The following PDE4D variants were observed in gnomAD, a reference collection of about 807,000 sequenced individuals.
The protein encoded by PDE4D is 3',5'-cyclic-AMP phosphodiesterase 4D.
A neutral mutation model predicts 87.4 loss-of-function variants in PDE4D; 24 were observed. That is an observed-to-expected ratio of 0.27 (90% CI 0.20 to 0.39). The LOEUF is 0.39. PDE4D is among the 10% of genes least tolerant of loss of function. The probability of loss-of-function intolerance (pLI) is 1.00; values close to 1 mark genes in which losing one functional copy is unlikely to be tolerated. For synonymous variants in PDE4D, 384 were observed against 383.2 expected (o/e 1.00, Z -0.02); for missense variants, 714 against 1,041.0 (o/e 0.69, Z 4.32).
chr5:59,923,670 C>T (rs1194074851), intron 3 of PDE4D, among the ~76,000 whole-genome samples: 1 of 152,212 alleles, frequency 6.6e-6, no homozygotes, highest in African/African-American at 2.4e-5. Context: ...TCTTGGGGTG[C>T]CCCCTAATGC....
At chr5:59,470,606 A>G (rs1802293940) in intron 1 of PDE4D, among the ~76,000 whole-genome samples, 1 of 152,210 alleles carries the variant, frequency 6.6e-6, no homozygotes, top group Non-Finnish European at 1.5e-5. Flanking sequence ...AATTTCACTA[A>G]TACTGTTTAG....
chr5:59,812,649 G>A (rs569129982), intron 1 of PDE4D, among the ~76,000 whole-genome samples: 12 of 151,664 alleles, frequency 7.9e-5, no homozygotes, highest in African/African-American at 2.9e-4. Flanking sequence ...CTCCAGCCCA[G>A]GTGACAAAGT....
At chr5:59,706,042 T>C (rs905199970) in intron 1 of PDE4D, among the ~76,000 whole-genome samples, 1 of 152,202 alleles carries the variant, frequency 6.6e-6, no homozygotes, top group African/African-American at 2.4e-5. Context: ...ATCTCTAGAC[T>C]AGTACCTTGA....
intron 1 of PDE4D, among the ~76,000 whole-genome samples, chr5:59,651,645 T>G (rs1168323445): frequency 6.6e-6 from 1 of 152,128 alleles, no homozygotes; most frequent in African/African-American, 2.4e-5. Context: ...AATTGCTGAG[T>G]TTTATGAAAA....
chr5:60,339,034 C>T (rs1758068706), intron 1 of PDE4D, among the ~76,000 whole-genome samples: 1 of 152,144 alleles, frequency 6.6e-6, no homozygotes, highest in African/African-American at 2.4e-5. Flanking sequence ...TTTATCTTAG[C>T]TAAGCACTTA....
rs539243909 is a variant in PDE4D at position 60,064,905 on chromosome 5, C to A, written c.43-76188G>T. Among the ~76,000 whole-genome samples the A allele has an allele frequency of 6.6e-5, 10 of 152,224 alleles. No individual in the cohort carries two copies. The South Asian group carries it at 1.9e-3, about 28-fold the overall frequency. ...AGGGCATTTGGTGAGAACTGCTGTTCTATACACCTTATCCATCACCCTATT... is the reference window on the plus strand; with the variant it reads ...AGGGCATTTGGTGAGAACTGCTGTTATATACACCTTATCCATCACCCTATT... On this transcript the variant is annotated intron_variant, in intron 2 of 16. Transcript: ENST00000502484.
chr5:59,590,718 A>T (rs542096277), intron 1 of PDE4D, among the ~76,000 whole-genome samples: 70 of 152,006 alleles, frequency 4.6e-4, no homozygotes, highest in African/African-American at 8.4e-4. Flanking sequence ...GTTTTTTTTT[A>T]AATTTTAATC....
chr5:59,778,931 A>C (rs1408290965), intron 1 of PDE4D, among the ~76,000 whole-genome samples: 1 of 152,166 alleles, frequency 6.6e-6, no homozygotes, highest in Non-Finnish European at 1.5e-5. Flanking sequence ...TTGGGAGGCC[A>C]AGTTGGGCCA....
chr5:59,360,870 A>G (rs569927785), intron 1 of PDE4D, among the ~76,000 whole-genome samples: 1 of 152,276 alleles, frequency 6.6e-6, no homozygotes, highest in Non-Finnish European at 1.5e-5. Context: ...AGCTTCTACA[A>G]TTGCATCCAT....
chr5:60,074,075 T>C (rs1370416434), intron 2 of PDE4D, among the ~76,000 whole-genome samples: 1 of 152,046 alleles, frequency 6.6e-6, no homozygotes, highest in Non-Finnish European at 1.5e-5. Flanking sequence ...AGTTTTGGGG[T>C]TGGTTTACTC....
intron 1 of PDE4D, among the ~76,000 whole-genome samples, chr5:60,271,688 T>C (rs931035896): frequency 4.6e-5 from 7 of 152,118 alleles, no homozygotes; most frequent in Admixed American, 3.9e-4. Context: ...CAGTGAGAAA[T>C]GTGGTAAAAA....
chr5:59,059,474 G>T (rs1381120287), intron 5 of PDE4D, among the ~76,000 whole-genome samples: 1 of 152,132 alleles, frequency 6.6e-6, no homozygotes, highest in Non-Finnish European at 1.5e-5. Context: ...CTCTCTCTAC[G>T]ACAAGGTCAG....
chr5:59,560,299 C>T (rs183694536), intron 1 of PDE4D, among the ~76,000 whole-genome samples: 8 of 152,216 alleles, frequency 5.3e-5, no homozygotes, highest in Admixed American at 3.3e-4. Context: ...ACCCACTACA[C>T]GCATTATCTG....
intron 1 of PDE4D, among the ~76,000 whole-genome samples, chr5:59,445,114 A>C (rs1228745403): frequency 6.6e-6 from 1 of 152,120 alleles, no homozygotes; most frequent in Non-Finnish European, 1.5e-5. Context: ...ACCAGGAACT[A>C]TTTTCAACTC....
At chr5:59,186,776 C>T (rs1643660375) in intron 3 of PDE4D, among the ~76,000 whole-genome samples, 1 of 151,924 alleles carries the variant, frequency 6.6e-6, no homozygotes, top group South Asian at 2.1e-4. Flanking sequence ...AAACCTGGCT[C>T]ATTATCTCAT....
At chr5:59,604,638 C>T (rs543667997) in intron 1 of PDE4D, among the ~76,000 whole-genome samples, 2 of 151,980 alleles carry the variant, frequency 1.3e-5, no homozygotes, top group South Asian at 2.1e-4. Context: ...AGAAGGGGAA[C>T]TATAAATAGT....
At chr5:59,089,477 A>G (rs1001718732) in intron 5 of PDE4D, among the ~76,000 whole-genome samples, 5 of 152,304 alleles carry the variant, frequency 3.3e-5, no homozygotes, top group Non-Finnish European at 5.9e-5. Flanking sequence ...TATGTTGGAC[A>G]GGCACTGCTT....
intron 1 of PDE4D, among the ~76,000 whole-genome samples, chr5:59,531,902 G>A (rs1007216150): frequency 6.6e-6 from 1 of 152,168 alleles, no homozygotes; most frequent in African/African-American, 2.4e-5. Flanking sequence ...GGAGCTCTTT[G>A]CAGGGGCTAT....
At chr5:59,442,493 G>A (rs552348463) in intron 1 of PDE4D, among the ~76,000 whole-genome samples, 8 of 152,294 alleles carry the variant, frequency 5.3e-5, no homozygotes, top group African/African-American at 1.7e-4. Flanking sequence ...TGTGAAGAGT[G>A]ACACCCAGAG....
Sources: gnomAD v4.1 joint callset for allele counts (sites outside exome capture counted in the v4.1 genomes callset) on GRCh38, gnomAD v4.1.1 for gene constraint, MANE v1.5 for transcripts, NCBI Gene and HGNC (gene_info 2026-07-23, HGNC 2026-07-21) for gene names.